STXBP5: variants seen among roughly 807,000 people sequenced by gnomAD.
STXBP5 encodes syntaxin binding protein 5.
Under a neutral mutation model 152.4 loss-of-function variants are expected in STXBP5, and 50 were observed. The ratio of observed to expected loss-of-function variants is 0.33; its 90% CI spans 0.26 to 0.42. The LOEUF (loss-of-function observed/expected upper bound fraction) is 0.42. STXBP5 is among the 10% of genes least tolerant of loss of function. The probability of loss-of-function intolerance (pLI) is 1.00; values close to 1 mark genes in which losing one functional copy is unlikely to be tolerated. For synonymous variants in STXBP5, 492 were observed against 494.7 expected (o/e 0.99, Z 0.07); for missense variants, 1,167 against 1,388.6 (o/e 0.84, Z 2.54).
intron 7 of STXBP5, among the ~76,000 whole-genome samples, chr6:147,275,675 A>G (rs976873235): frequency 1.4e-5 from 2 of 144,284 alleles, no homozygotes; most frequent in East Asian, 4.1e-4. Context: ...CTCCTGCCTC[A>G]GCCTCCCGAG....
chr6:147,204,701 C>T lies in STXBP5; in HGVS notation c.150+19C>T, dbSNP rs756151736. 6.5e-7 allele frequency: 1 copy of T among 1,539,276 alleles called. No homozygotes were observed. Among genetic ancestry groups the T allele is most frequent in the Non-Finnish European group, 8.8e-7 (1 of 1,140,572 alleles). The stretch of plus-strand genomic sequence containing the variant: ...CTGCAAGGTGAACGGAGCGCGCAGC[C>T]CCGCGACACCGTCATTGAAAAATTG... On this transcript the variant is annotated intron_variant, in intron 1 of 27. Transcript: ENST00000321680. This position sits in a 1 kb window ranked among gnomAD's most constrained non-coding sequence, Gnocchi z 4.3.
intron 8 of STXBP5, among the ~76,000 whole-genome samples, chr6:147,289,617 G>A (rs9497740): frequency 0.068 from 10,327 of 152,026 alleles, 472 homozygotes; most frequent in African/African-American, 0.12. Flanking sequence ...GGAAGATGAC[G>A]TAGAAGCATT....
intron 2 of STXBP5, among the ~76,000 whole-genome samples, chr6:147,228,396 T>G (rs1179117229): frequency 6.6e-6 from 1 of 152,092 alleles, no homozygotes; most frequent in Non-Finnish European, 1.5e-5. Context: ...TTGTTTGTTT[T>G]TTTTTGTTTC....
chr6:147,253,948 A>G (rs1381106834), intron 4 of STXBP5, among the ~76,000 whole-genome samples: 1 of 152,224 alleles, frequency 6.6e-6, no homozygotes, highest in East Asian at 1.9e-4. Flanking sequence ...AAAAAACTTT[A>G]AATTTTATGT....
chr6:147,251,802 C>T (rs925959919), intron 4 of STXBP5, among the ~76,000 whole-genome samples: 2 of 151,250 alleles, frequency 1.3e-5, no homozygotes, highest in Non-Finnish European at 3.0e-5. Context: ...CTGGGAGACA[C>T]CTCGCAGCAG....
At chr6:147,236,997 C>CT (rs1778308639) in intron 3 of STXBP5, among the ~76,000 whole-genome samples, 1 of 152,012 alleles carries the variant, frequency 6.6e-6, no homozygotes. Context: ...AGGCTGGTCT[C>CT]TAACTCCTGA....
chr6:147,206,499 G>C (rs1045187750), intron 2 of STXBP5, among the ~76,000 whole-genome samples: 3 of 152,156 alleles, frequency 2.0e-5, no homozygotes, highest in African/African-American at 7.2e-5. Flanking sequence ...ATTTCAATCT[G>C]AATTTGGTTG....
intron 4 of STXBP5, among the ~76,000 whole-genome samples, chr6:147,254,652 C>T (rs1485191951): frequency 6.6e-6 from 1 of 152,162 alleles, no homozygotes; most frequent in Admixed American, 6.5e-5. Context: ...GACATTTACA[C>T]AGCCACTTTA....
chr6:147,384,592 A>G (rs1786248481), intron 27 of STXBP5, 122 bp from the exon 28 acceptor site: 9 of 941,754 alleles, frequency 9.6e-6, no homozygotes, highest in East Asian at 4.9e-5. Context: ...TGAAGTAAGC[A>G]TATAGTAGCA....
chr6:147,379,440 A>C (rs1261863805), intron 26 of STXBP5, among the ~76,000 whole-genome samples: 2 of 152,192 alleles, frequency 1.3e-5, no homozygotes, highest in African/African-American at 2.4e-5. Flanking sequence ...ATTGATGAGT[A>C]TAATCCATGA....
At chr6:147,363,311 A>G (rs762595977) in intron 23 of STXBP5, 24 bp from the exon 24 acceptor site, 1 of 1,535,634 alleles carries the variant, frequency 6.5e-7, no homozygotes, top group South Asian at 1.3e-5. Flanking sequence ...TATTTCAGTT[A>G]TTTACTAGAC....
chr6:147,338,739 G>GTTTTAAACTATATATATAA (rs1177953555), intron 19 of STXBP5, among the ~76,000 whole-genome samples: 2 of 151,772 alleles, frequency 1.3e-5, no homozygotes, highest in African/African-American at 2.4e-5. Flanking sequence ...TGAATATATA[G>GTTTTAAACTATATATATAA]TTTTAAACTG....
chr6:147,282,508 T>C (rs1460139124), intron 8 of STXBP5, among the ~76,000 whole-genome samples: 1 of 152,216 alleles, frequency 6.6e-6, no homozygotes, highest in African/African-American at 2.4e-5. Flanking sequence ...ACAGGATTTT[T>C]AAGCTACAAA....
At chr6:147,209,586 A>C (rs1238687814) in intron 2 of STXBP5, among the ~76,000 whole-genome samples, 1 of 152,100 alleles carries the variant, frequency 6.6e-6, no homozygotes, top group Non-Finnish European at 1.5e-5. Context: ...GTAGCTATGT[A>C]TTCTAGAGGA....
chr6:147,379,564 A>G (rs1481488230), intron 26 of STXBP5, among the ~76,000 whole-genome samples: 1 of 152,178 alleles, frequency 6.6e-6, no homozygotes, highest in Non-Finnish European at 1.5e-5. Flanking sequence ...CCAAAAATGT[A>G]TAGCTAATTC....
intron 6 of STXBP5, 122 bp from the exon 7 acceptor site, chr6:147,266,962 T>G (rs1243192835): frequency 1.2e-6 from 1 of 800,618 alleles, no homozygotes; most frequent in African/African-American, 1.8e-5. Flanking sequence ...TGCAGATGTT[T>G]GTTTATATTA....
At chr6:147,327,096 T>C in intron 17 of STXBP5, 29 bp from the exon 18 acceptor site, 1 of 1,601,890 alleles carries the variant, frequency 6.2e-7, no homozygotes, top group Non-Finnish European at 8.5e-7. Context: ...TTGTTTGTGC[T>C]AAAATGTTTG....
chr6:147,249,512 T>C (rs1294104315), intron 4 of STXBP5, among the ~76,000 whole-genome samples: 1 of 152,164 alleles, frequency 6.6e-6, no homozygotes, highest in African/African-American at 2.4e-5. Context: ...TTAGCAGAAT[T>C]GTCCCCTACA....
intron 26 of STXBP5, among the ~76,000 whole-genome samples, chr6:147,376,854 T>A (rs548580930): frequency 9.9e-5 from 15 of 152,042 alleles, no homozygotes; most frequent in Non-Finnish European, 1.6e-4. Context: ...ATGTACATTG[T>A]TTATAGGGGA....
Sources: allele counts gnomAD v4.1 joint callset (sites outside exome capture counted in the v4.1 genomes callset), GRCh38; gene constraint gnomAD v4.1.1; non-coding constraint Gnocchi (gnomAD v3.1); transcripts MANE v1.5; gene names NCBI Gene and HGNC (gene_info 2026-07-23, HGNC 2026-07-21).